Variants in ZNF280D observed in about 807,000 individuals in gnomAD.
ZNF280D encodes the protein suppressor of hairy wing homolog 4.
A neutral mutation model predicts 94.7 loss-of-function variants in ZNF280D; 39 were observed. The observed-to-expected ratio is 0.41, with a 90% CI of 0.32 to 0.54. The LOEUF (loss-of-function observed/expected upper bound fraction) is 0.54, where lower values mean the gene tolerates loss of function less well. Among genes scored for constraint, ZNF280D ranks in the 20% least tolerant of loss-of-function variants. ZNF280D has a pLI of 0.22. For missense variants in ZNF280D, 1,090 were observed against 1,149.3 expected, an observed-to-expected ratio of 0.95 and a Z score of 0.75; for synonymous variants, 398 against 377.6, an observed-to-expected ratio of 1.05 and a Z score of -0.63.
intron 1 of ZNF280D, among the ~76,000 whole-genome samples, chr15:56,720,653 C>A (rs957548966): frequency 5.3e-5 from 8 of 152,132 alleles, no homozygotes; most frequent in Non-Finnish European, 8.8e-5. Flanking sequence ...AATATTAAGA[C>A]TTGAACTGAA....
chr15:56,694,665 T>C (rs572626952), intron 6 of ZNF280D, among the ~76,000 whole-genome samples: 1 of 152,212 alleles, frequency 6.6e-6, no homozygotes, highest in South Asian at 2.1e-4. Flanking sequence ...CAAAATAAAT[T>C]AATTAGCCAC....
intron 13 of ZNF280D, among the ~76,000 whole-genome samples, chr15:56,671,402 G>C (rs1348658201): frequency 6.6e-6 from 1 of 152,086 alleles, no homozygotes; most frequent in Non-Finnish European, 1.5e-5. Context: ...TGGCCAGCCA[G>C]TTTCCCAATG....
At position 56,642,935 on chromosome 15, in the gene ZNF280D, A is replaced by T. The variant is rs371900493; in HGVS notation, c.2259+17T>A. The T allele has an allele frequency of 1.4e-4, 207 of 1,485,320 alleles. No individual in the cohort carries two copies. The highest frequency in any genetic ancestry group is 1.8e-4 in the Non-Finnish European group (199 of 1,121,056). 92.0% of individuals were successfully genotyped at this position (1,485,320 alleles called of 1,614,324 possible). A position where few individuals can be genotyped will look rare whatever the true frequency, so the allele number is the denominator to read the frequency against. On this transcript the variant is annotated intron_variant, in intron 20 of 21. Coordinates refer to ENST00000267807, the MANE Select transcript of ZNF280D (RefSeq NM_017661.4). ...AAATGTATAAACCTTTAAGGTATAA[A>T]GTAAAACAAACTTTACCTTAGACAC...
At chr15:56,676,380 T>G (rs1199156596) in intron 13 of ZNF280D, among the ~76,000 whole-genome samples, 1 of 152,154 alleles carries the variant, frequency 6.6e-6, no homozygotes, top group East Asian at 1.9e-4. Context: ...CCCTGAAATA[T>G]TCAATCTTTT....
At chr15:56,679,555 C>G (rs1254232033) in intron 10 of ZNF280D, among the ~76,000 whole-genome samples, 1 of 152,166 alleles carries the variant, frequency 6.6e-6, no homozygotes, top group Non-Finnish European at 1.5e-5. Context: ...CTTCTATGAG[C>G]AGGAATTATG....
intron 13 of ZNF280D, among the ~76,000 whole-genome samples, chr15:56,669,949 T>TA (rs1491223880): frequency 7.0e-4 from 1 of 1,430 alleles, no homozygotes; most frequent in Admixed American, 0.019. Context: ...TATATATATA[T>TA]TATATATATA....
intron 6 of ZNF280D, among the ~76,000 whole-genome samples, chr15:56,695,409 G>C (rs1425737499): frequency 2.0e-5 from 3 of 151,742 alleles, no homozygotes; most frequent in Admixed American, 6.6e-5. Flanking sequence ...CCATTTTTAA[G>C]AATTTATGGT....
At chr15:56,637,954 T>C (rs561739650) in intron 20 of ZNF280D, among the ~76,000 whole-genome samples, 7 of 152,118 alleles carry the variant, frequency 4.6e-5, no homozygotes, top group Admixed American at 1.3e-4. Context: ...CTACTGAAAA[T>C]ATTTGGGTCT....
In ZNF280D at chr15:56,669,940, A is replaced by T. The variant is rs1596436221; in HGVS notation, c.1411-983T>A. Among the ~76,000 whole-genome samples, 2 of 6,552 alleles carry T rather than the reference A, an allele frequency of 3.1e-4. 1 individual carries two copies. Among genetic ancestry groups the T allele is most frequent in the African/African-American group, 1.0e-3 (2 of 1,946 alleles). The allele number at this position is 6,552 out of a possible 152,430, so 4.3% of individuals were successfully genotyped here. A position where few individuals can be genotyped will look rare whatever the true frequency, so the allele number is the denominator to read the frequency against. On this transcript the variant is annotated intron_variant, in intron 13 of 21. Coordinates refer to ENST00000267807, the MANE Select transcript of ZNF280D (RefSeq NM_017661.4). ...TATATATATATTATATATATATTAT[A>T]TATATATATTATATATATATATTAT... is the stretch of plus-strand genomic sequence containing the variant.
intron 1 of ZNF280D, among the ~76,000 whole-genome samples, chr15:56,726,593 G>A (rs1224244470): frequency 5.3e-5 from 8 of 151,792 alleles, no homozygotes; most frequent in Non-Finnish European, 1.2e-4. Flanking sequence ...ATCATTCTAG[G>A]TATTATTTCA....
intron 17 of ZNF280D, 106 bp from the exon 18 acceptor site, chr15:56,654,609 T>A: frequency 1.1e-6 from 1 of 951,426 alleles, no homozygotes; most frequent in Non-Finnish European, 1.6e-6. Flanking sequence ...TACATAACTA[T>A]AACTTCCCAT....
chr15:56,675,940 A>G lies in ZNF280D; in HGVS notation c.1410+730T>C, dbSNP rs575841320. ...TCAAGCACGCAAGAACAGGATTAGTATTGCATCAAAATTTTTAGCCCAAAT... is the reference window on the plus strand; with the variant it reads ...TCAAGCACGCAAGAACAGGATTAGTGTTGCATCAAAATTTTTAGCCCAAAT... On this transcript the variant is annotated intron_variant, in intron 13 of 21. Coordinates refer to ENST00000267807, the MANE Select transcript of ZNF280D (RefSeq NM_017661.4). Among the ~76,000 whole-genome samples, 48 of 152,194 alleles carry G rather than the reference A, an allele frequency of 3.2e-4. No individual in the cohort carries two copies. In the South Asian group the frequency reaches 7.9e-3, roughly 25 times the overall value.
At chr15:56,733,340 G>A in intron 1 of ZNF280D, 118 bp downstream of exon 1, 3 of 554,004 alleles carry the variant, frequency 5.4e-6, no homozygotes, top group Non-Finnish European at 6.9e-6. Context: ...CGCTCCCGAC[G>A]ACCCGCGCCG....
In ZNF280D at chr15:56,704,963, G is replaced by A. The variant is rs185262424; in HGVS notation, c.29-696C>T. Among the ~76,000 whole-genome samples, 192 of 151,846 alleles carry A rather than the reference G, an allele frequency of 1.3e-3. 1 individual carries two copies. The highest frequency in any genetic ancestry group is 4.4e-3 in the African/African-American group (183 of 41,426). ...ATGCCACTGCATTCCAGCCAGGGGTGACAGATTGAGAGTATGTCTTTAAAA... is the reference window on the plus strand; with the variant it reads ...ATGCCACTGCATTCCAGCCAGGGGTAACAGATTGAGAGTATGTCTTTAAAA... On this transcript the variant is annotated intron_variant, in intron 3 of 21. Transcript: ENST00000267807.
chr15:56,647,591 G>A (rs1466084973), intron 19 of ZNF280D, among the ~76,000 whole-genome samples: 1 of 152,128 alleles, frequency 6.6e-6, no homozygotes, highest in Non-Finnish European at 1.5e-5. Context: ...GAGTGCAGTG[G>A]TATGATCACG....
intron 6 of ZNF280D, chr15:56,700,504 G>A: frequency 9.9e-7 from 1 of 1,007,068 alleles, no homozygotes; most frequent in Non-Finnish European, 1.2e-6. Context: ...TTTGTAATAG[G>A]AAAAAATGTT....
At chr15:56,648,957 CT>C (rs1251477028) in intron 19 of ZNF280D, among the ~76,000 whole-genome samples, 4 of 152,034 alleles carry the variant, frequency 2.6e-5, no homozygotes, top group African/African-American at 9.7e-5. Flanking sequence ...ATCTGCTAAT[CT>C]TAGAACACCA....
At chr15:56,722,906 T>G (rs557104405) in intron 1 of ZNF280D, among the ~76,000 whole-genome samples, 8 of 151,858 alleles carry the variant, frequency 5.3e-5, no homozygotes, top group Non-Finnish European at 8.8e-5. Flanking sequence ...CCATAAAAAA[T>G]GATGAGTTCA....
In ZNF280D at chr15:56,676,663, A is replaced by G. The variant is rs964702634; in HGVS notation, c.1410+7T>C. On this transcript the variant is annotated splice_region_variant and intron_variant, in intron 13 of 21. Transcript: ENST00000267807. ...ATAATAAACAAATAAGAACTGGTAA[A>G]TCTCACCTGATGCTTCATATAATGA... 14 of 1,595,254 alleles carry G rather than the reference A, an allele frequency of 8.8e-6. No individual in the cohort carries two copies. Among genetic ancestry groups the G allele is most frequent in the Non-Finnish European group, 1.2e-5 (14 of 1,173,338 alleles).
Sources: gnomAD v4.1 joint callset for allele counts (sites outside exome capture counted in the v4.1 genomes callset) on GRCh38, gnomAD v4.1.1 for gene constraint, MANE v1.5 for transcripts, NCBI Gene and HGNC (gene_info 2026-07-23, HGNC 2026-07-21) for gene names.